The following SCARB1 variants were observed in gnomAD, a reference collection of about 807,000 sequenced individuals.
The protein encoded by SCARB1 is scavenger receptor class B member 1.
In SCARB1, 30 loss-of-function variants were observed where a neutral mutation model predicts 57.2. The ratio of observed to expected loss-of-function variants is 0.52; its 90% CI spans 0.39 to 0.71. SCARB1 has a LOEUF of 0.71. Among genes scored for constraint, SCARB1 ranks in the 30% least tolerant of loss-of-function variants. SCARB1 has a pLI of 0.00. For synonymous variants in SCARB1, 249 were observed against 268.3 expected (o/e 0.93, Z 0.70); for missense variants, 543 against 671.2 (o/e 0.81, Z 2.11).
In SCARB1 at chr12:124,817,789, C is replaced by A. The variant is rs762483065; in HGVS notation, c.127-82G>T. The A allele has an allele frequency of 2.0e-5, 30 of 1,499,408 alleles. No individual in the cohort carries two copies. Among genetic ancestry groups the A allele is most frequent in the Non-Finnish European group, 2.6e-5 (28 of 1,076,714 alleles). The allele number at this position is 1,499,408 out of a possible 1,614,324, so 92.9% of individuals were successfully genotyped here. A position where few individuals can be genotyped will look rare whatever the true frequency, so the allele number is the denominator to read the frequency against. ...ACCACAAGGCTCCGGAACAGCTGCC[C>A]GAGCCCGGCCAGGGAAGGGGCTCCT... is the stretch of plus-strand genomic sequence containing the variant. On this transcript the variant is annotated intron_variant, in intron 1 of 12. Transcript: ENST00000261693. The surrounding 1 kb of genome is among the most constrained non-coding windows in gnomAD (Gnocchi z 4.8).
In SCARB1 at chr12:124,786,611, T is replaced by C; in HGVS notation, c.1255-108A>G. 1.9e-6 allele frequency: 3 copies of C among 1,548,558 alleles called. No individual in the cohort carries two copies. In the Admixed American group the frequency reaches 5.7e-5, roughly 30 times the overall value. On this transcript the variant is annotated intron_variant, in intron 10 of 12. Coordinates refer to ENST00000261693, the MANE Select transcript of SCARB1 (RefSeq NM_005505.5). ...GTGCCCGCCTCAGCTTTTCCCCACC[T>C]CAAGCTTCCCGGCTAAAGCATGTGT...
chr12:124,840,181 C>G (rs987678165), intron 1 of SCARB1, among the ~76,000 whole-genome samples: 5 of 150,046 alleles, frequency 3.3e-5, no homozygotes, highest in Admixed American at 6.6e-5. Context: ...CGTTGGCTAT[C>G]TGCATTTTTT....
chr12:124,821,541 A>G, intron 1 of SCARB1: 1 of 985,244 alleles, frequency 1.0e-6, no homozygotes, highest in Non-Finnish European at 1.2e-6. Flanking sequence ...CAGCCCATTC[A>G]TTCAGCACTG....
chr12:124,780,764 G>A (rs1246223556), intron 12 of SCARB1, among the ~76,000 whole-genome samples: 1 of 152,200 alleles, frequency 6.6e-6, no homozygotes. Context: ...GGACATCCTG[G>A]TTATGTCCAG....
intron 9 of SCARB1, among the ~76,000 whole-genome samples, chr12:124,793,140 G>A (rs1317810985): frequency 6.6e-6 from 1 of 152,266 alleles, no homozygotes; most frequent in Admixed American, 6.5e-5. Flanking sequence ...GTTATTACTC[G>A]CTGCCGTGCT....
chr12:124,838,046 G>A (rs1485726322), intron 1 of SCARB1, among the ~76,000 whole-genome samples: 1 of 152,268 alleles, frequency 6.6e-6, no homozygotes, highest in Admixed American at 6.5e-5. Flanking sequence ...TTATTTCTGT[G>A]TCGTCAATGG....
At chr12:124,827,522 T>C (rs952135444) in intron 1 of SCARB1, among the ~76,000 whole-genome samples, 14 of 152,108 alleles carry the variant, frequency 9.2e-5, no homozygotes, top group African/African-American at 3.1e-4. Flanking sequence ...CTTTCTCCCT[T>C]TTCTCCTGTC....
At position 124,860,984 on chromosome 12, in the gene SCARB1, G is replaced by C. The variant is rs749275395; in HGVS notation, c.126+2611C>G. On this transcript the variant is annotated intron_variant, in intron 1 of 12. Coordinates refer to ENST00000261693, the MANE Select transcript of SCARB1 (RefSeq NM_005505.5). ...TAATATGTATACATACAGGCTCCTGGTACACAGAAAAGGGTCTAGAAAGAT... is the reference window on the plus strand; with the variant it reads ...TAATATGTATACATACAGGCTCCTGCTACACAGAAAAGGGTCTAGAAAGAT... 3.9e-5 allele frequency among the ~76,000 whole-genome samples: 6 copies of C among 152,098 alleles called. No individual in the cohort carries two copies. In the South Asian group the frequency reaches 1.2e-3, roughly 32 times the overall value.
intron 1 of SCARB1, among the ~76,000 whole-genome samples, chr12:124,861,293 T>C (rs1436668253): frequency 1.3e-5 from 2 of 152,190 alleles, no homozygotes; most frequent in African/African-American, 2.4e-5. Context: ...CCTAATACGA[T>C]GTAAATGCTA....
At chr12:124,823,738 T>A (rs1054395778) in intron 1 of SCARB1, among the ~76,000 whole-genome samples, 1 of 152,124 alleles carries the variant, frequency 6.6e-6, no homozygotes, top group African/African-American at 2.4e-5. Context: ...CGTCAACAGA[T>A]GAATGGCTGA....
chr12:124,796,982 T>C lies in SCARB1; in HGVS notation c.1129-1714A>G, dbSNP rs946168768. Among the ~76,000 whole-genome samples, 1 of 152,214 alleles carries C rather than the reference T, an allele frequency of 6.6e-6. No homozygotes were observed. Among genetic ancestry groups the C allele is most frequent in the African/African-American group, 2.4e-5 (1 of 41,460 alleles). Reference sequence around the variant, plus strand: ...GCCGAAATTATTTGTACAAACAATATGGTTCTTGCTCAGCACCTGCTTTCC... The same window carrying C: ...GCCGAAATTATTTGTACAAACAATACGGTTCTTGCTCAGCACCTGCTTTCC... On this transcript the variant is annotated intron_variant, in intron 8 of 12. Transcript: ENST00000261693. This position sits in a 1 kb window ranked among gnomAD's most constrained non-coding sequence, Gnocchi z 4.0.
chr12:124,844,139 C>T (rs763593078), intron 1 of SCARB1, among the ~76,000 whole-genome samples: 38 of 152,120 alleles, frequency 2.5e-4, no homozygotes, highest in Non-Finnish European at 3.5e-4. Flanking sequence ...AAGGTACCCC[C>T]GTCGCTAAGG....
At position 124,810,207 on chromosome 12, in the gene SCARB1, G is replaced by T; in HGVS notation, c.809C>A (p.Ser270Tyr). The change falls in exon 6 of 13, where the codon TCC becomes TAC. Residue 270 changes from serine (S) to tyrosine (Y), a missense_variant. Physicochemically the swap from Ser to Tyr is moderately radical, Grantham distance 144 (BLOSUM62 -2). Coordinates refer to ENST00000261693, the MANE Select transcript of SCARB1 (RefSeq NM_005505.5). The surrounding 1 kb of genome is among the most constrained non-coding windows in gnomAD (Gnocchi z 4.0). ...CTCCGGGCTGTAGAACTCCAGCGAG[G>T]ACTCAGGAGTCATGAAGGGCGGCCA... ...QMWPPFMTPE[S>Y]SLEFYSPEAC... 2 of 1,613,830 alleles carry T rather than the reference G, an allele frequency of 1.2e-6. No individual in the cohort carries two copies. Among genetic ancestry groups the T allele is most frequent in the Middle Eastern group, 1.7e-4 (1 of 6,060 alleles).
chr12:124,843,706 C>T (rs1408296081), intron 1 of SCARB1, among the ~76,000 whole-genome samples: 1 of 152,112 alleles, frequency 6.6e-6, no homozygotes, highest in Non-Finnish European at 1.5e-5. Flanking sequence ...TTATGAAGGG[C>T]CCTACATCCA....
intron 6 of SCARB1, among the ~76,000 whole-genome samples, chr12:124,808,399 A>G (rs1377752460): frequency 6.6e-6 from 1 of 152,212 alleles, no homozygotes; most frequent in Non-Finnish European, 1.5e-5. Context: ...ATTAGGATTC[A>G]TTGACCTTAT....
rs202096858 is a variant in SCARB1 at position 124,787,395 on chromosome 12, C to T, written c.1254+11G>A. On this transcript the variant is annotated intron_variant, in intron 10 of 12. Transcript: ENST00000261693. ...CAAAAGCCCCCGACGCTGTGCCCAA[C>T]GCACCCTTACCTCTGCAAACCAGAG... The T allele has an allele frequency of 4.4e-5, 71 of 1,613,300 alleles. No individual in the cohort carries two copies. The highest frequency in any genetic ancestry group is 1.6e-4 in the Middle Eastern group (1 of 6,084).
At chr12:124,815,439 A>G (rs2135680822) in intron 2 of SCARB1, among the ~76,000 whole-genome samples, 1 of 152,360 alleles carries the variant, frequency 6.6e-6, no homozygotes, top group Non-Finnish European at 1.5e-5. Context: ...AGATACCCAG[A>G]AAGCAATCAA....
intron 1 of SCARB1, among the ~76,000 whole-genome samples, chr12:124,854,677 C>T (rs1384457478): frequency 6.6e-6 from 1 of 152,094 alleles, no homozygotes; most frequent in Admixed American, 6.5e-5. Flanking sequence ...CTGACGGGTT[C>T]TCTGAGGGAA....
chr12:124,798,615 G>T (rs1950027839), intron 8 of SCARB1, among the ~76,000 whole-genome samples: 1 of 152,074 alleles, frequency 6.6e-6, no homozygotes, highest in Non-Finnish European at 1.5e-5. Context: ...GTCCGAGGCG[G>T]GTGGATCACC....
Sources: gnomAD v4.1 joint callset for allele counts (sites outside exome capture counted in the v4.1 genomes callset) on GRCh38, gnomAD v4.1.1 for gene constraint, Gnocchi (gnomAD v3.1) non-coding constraint, MANE v1.5 for transcripts, NCBI Gene and HGNC (gene_info 2026-07-23, HGNC 2026-07-21) for gene names.